Variants in CLCN3 observed in about 807,000 individuals in gnomAD.
The protein encoded by CLCN3 is Cl-/H+ antiporter 3, also known as H(+)/Cl(-) exchange transporter 3.
Under a neutral mutation model 83.4 loss-of-function variants are expected in CLCN3, and 16 were observed. The ratio of observed to expected loss-of-function variants is 0.19; its 90% CI spans 0.13 to 0.29. The LOEUF (loss-of-function observed/expected upper bound fraction) is 0.29, where lower values mean the gene tolerates loss of function less well. CLCN3 is among the 10% of genes least tolerant of loss of function. The pLI, the probability that CLCN3 is intolerant of heterozygous loss-of-function variation, is 1.00. For missense variants in CLCN3, 544 were observed against 1,006.0 expected (o/e 0.54, Z 6.21); for synonymous variants, 322 against 346.2 (o/e 0.93, Z 0.78).
intron 2 of CLCN3, among the ~76,000 whole-genome samples, chr4:169,679,418 G>T (rs1382287648): frequency 1.3e-5 from 2 of 151,750 alleles, no homozygotes; most frequent in African/African-American, 4.8e-5. Flanking sequence ...TGGGCGGCCG[G>T]GCAGAGGGGC....
intron 2 of CLCN3, among the ~76,000 whole-genome samples, chr4:169,674,483 T>G (rs10006566): frequency 0.99 from 150,453 of 152,254 alleles, 74,359 homozygotes; most frequent in Middle Eastern, 1. Flanking sequence ...TCAAGAAAAT[T>G]TGTGGCCTTT....
At position 169,710,734 on chromosome 4, in the gene CLCN3, GTGTT is replaced by G. The variant is rs142307273; in HGVS notation, c.2150-2340_2150-2337del. ...CAATCAGTATAATTTCATTGATACA[GTGTT>G]TGTTATTTTGTCGGTGTTTAAGATT... On this transcript the variant is annotated intron_variant, in intron 11 of 12. Coordinates refer to ENST00000513761, the MANE Select transcript of CLCN3 (RefSeq NM_001829.4). 3.5e-4 allele frequency among the ~76,000 whole-genome samples: 53 copies of G among 152,230 alleles called. No homozygotes were observed. The East Asian group carries it at 3.9e-3, about 11-fold the overall frequency.
At chr4:169,627,859 A>G (rs1054136583) in intron 1 of CLCN3, among the ~76,000 whole-genome samples, 3 of 152,328 alleles carry the variant, frequency 2.0e-5, no homozygotes, top group South Asian at 2.1e-4. Context: ...AATGAAAAAG[A>G]AGAATAAGGT....
intron 2 of CLCN3, among the ~76,000 whole-genome samples, chr4:169,637,219 C>G (rs1253575813): frequency 1.3e-5 from 2 of 152,132 alleles, no homozygotes; most frequent in Non-Finnish European, 2.9e-5. Context: ...GTTCATTATG[C>G]ATTCTGATTA....
intron 2 of CLCN3, among the ~76,000 whole-genome samples, chr4:169,651,655 C>CAAG: frequency 6.6e-6 from 1 of 152,202 alleles, no homozygotes; most frequent in Middle Eastern, 3.4e-3. Context: ...GGAATCATGA[C>CAAG]AAGAAGAAGA....
intron 1 of CLCN3, among the ~76,000 whole-genome samples, chr4:169,623,188 G>T (rs919552119): frequency 2.0e-5 from 3 of 152,124 alleles, no homozygotes; most frequent in African/African-American, 7.2e-5. Flanking sequence ...TTAAAATCAT[G>T]AAGACTATTT....
intron 11 of CLCN3, among the ~76,000 whole-genome samples, chr4:169,707,742 A>G (rs1323077757): frequency 6.6e-6 from 1 of 152,188 alleles, no homozygotes; most frequent in East Asian, 1.9e-4. Context: ...ATATTAATTT[A>G]TAATATCTGA....
At chr4:169,717,199 T>G (rs1002780304) in intron 12 of CLCN3, among the ~76,000 whole-genome samples, 1 of 152,220 alleles carries the variant, frequency 6.6e-6, no homozygotes, top group Non-Finnish European at 1.5e-5. Flanking sequence ...TTTATTAGCT[T>G]ACTTTAAGAA....
Position 169,722,098 on chromosome 4 carries a change from G to A in CLCN3, c.*2101G>A, listed in dbSNP as rs1254535543. On this transcript the variant is annotated 3_prime_UTR_variant, in exon 13 of 13. Transcript: ENST00000513761. ...CTCCCAAAGTGGTGGAATTACAGGC[G>A]TGGGCCACTGCGCCTGGCCCAGACA... 5.3e-5 allele frequency: 8 copies of A among 152,334 alleles called. No homozygotes were observed. The highest frequency in any genetic ancestry group is 3.9e-4 in the East Asian group (2 of 5,180). 9.4% of individuals were successfully genotyped at this position (152,334 alleles called of 1,614,324 possible).
intron 2 of CLCN3, among the ~76,000 whole-genome samples, chr4:169,645,250 G>A (rs1263317046): frequency 1.3e-5 from 2 of 152,128 alleles, no homozygotes; most frequent in African/African-American, 4.8e-5. Context: ...CTGGGTACAT[G>A]AATAAGGTGA....
At chr4:169,660,988 G>A (rs1325148577) in intron 2 of CLCN3, among the ~76,000 whole-genome samples, 1 of 152,062 alleles carries the variant, frequency 6.6e-6, no homozygotes, top group Non-Finnish European at 1.5e-5. Context: ...TATTTAATAT[G>A]TATTTCGGCT....
In CLCN3 at chr4:169,706,917, T is replaced by C. The variant is rs778004326; in HGVS notation, c.1800T>C (p.Leu600=). The C allele has an allele frequency of 1.4e-5, 22 of 1,614,104 alleles. No individual in the cohort carries two copies. Among genetic ancestry groups the C allele is most frequent in the Non-Finnish European group, 1.8e-5 (21 of 1,179,950 alleles). The stretch of plus-strand genomic sequence containing the variant: ...CCCTGGTGGTTATTGTTTTTGAGCT[T>C]ACTGGAGGCTTGGAATATATTGTTC... The part of the protein sequence containing the change: ...TVSLVVIVFE[L]TGGLEYIVPL... Residue 600 remains leucine (L), a synonymous_variant, in exon 11 of 13, where the codon CTT becomes CTC. Transcript: ENST00000513761.
chr4:169,684,151 G>A (rs1388417861), intron 3 of CLCN3, among the ~76,000 whole-genome samples: 1 of 152,046 alleles, frequency 6.6e-6, no homozygotes, highest in Non-Finnish European at 1.5e-5. Flanking sequence ...AGATTATTTC[G>A]AAGCAAATTG....
intron 3 of CLCN3, among the ~76,000 whole-genome samples, chr4:169,685,444 A>G (rs1284263822): frequency 6.6e-6 from 1 of 152,152 alleles, no homozygotes; most frequent in Non-Finnish European, 1.5e-5. Context: ...TCTGATTTTT[A>G]AAAATATAAG....
intron 2 of CLCN3, among the ~76,000 whole-genome samples, chr4:169,638,278 T>G (rs1317729661): frequency 6.6e-6 from 1 of 152,162 alleles, no homozygotes; most frequent in Non-Finnish European, 1.5e-5. Context: ...TTCAGAATAC[T>G]TTACCTCTTT....
chr4:169,656,755 G>A (rs1008275690), intron 2 of CLCN3, among the ~76,000 whole-genome samples: 2 of 152,102 alleles, frequency 1.3e-5, no homozygotes, highest in Non-Finnish European at 2.9e-5. Flanking sequence ...GGACAACGTT[G>A]TAAGACCTAT....
intron 9 of CLCN3, chr4:169,702,843 G>A (rs1325035021): frequency 2.6e-5 from 7 of 266,058 alleles, no homozygotes; most frequent in African/African-American, 1.1e-4. Flanking sequence ...AGCTACTCAC[G>A]AGGCTGAGTC....
At chr4:169,654,759 T>C (rs1471401492) in intron 2 of CLCN3, among the ~76,000 whole-genome samples, 1 of 152,158 alleles carries the variant, frequency 6.6e-6, no homozygotes, top group East Asian at 1.9e-4. Flanking sequence ...GCAACTTGCA[T>C]TGTGGCCCAG....
intron 3 of CLCN3, among the ~76,000 whole-genome samples, chr4:169,683,859 T>C (rs1368075454): frequency 1.3e-5 from 2 of 152,110 alleles, no homozygotes; most frequent in African/African-American, 4.8e-5. Context: ...CTCTCGTGCT[T>C]CAGCACCCCA....
Sources: allele counts gnomAD v4.1 joint callset (sites outside exome capture counted in the v4.1 genomes callset), GRCh38; gene constraint gnomAD v4.1.1; transcripts MANE v1.5; gene names NCBI Gene and HGNC (gene_info 2026-07-23, HGNC 2026-07-21).